The following SPINK5 variants were observed in gnomAD, a reference collection of about 807,000 sequenced individuals.
The protein encoded by SPINK5 is serine peptidase inhibitor Kazal type 5.
A neutral mutation model predicts 151.8 loss-of-function variants in SPINK5; 125 were observed. The observed-to-expected ratio is 0.82, with a 90% CI of 0.71 to 0.96. The LOEUF is 0.96. Ranked by LOEUF, SPINK5 falls within the 40% of genes least tolerant of loss-of-function variation. SPINK5 has a pLI of 0.00. For missense variants in SPINK5, 1,194 were observed against 1,291.9 expected (o/e 0.92, Z 1.16); for synonymous variants, 374 against 395.3 (o/e 0.95, Z 0.64).
At position 148,104,964 on chromosome 5, in the gene SPINK5, A is replaced by G. The variant is rs2113132965; in HGVS notation, c.1443A>G (p.Glu481=). The change falls in exon 16 of 33, where the codon GAA becomes GAG. Residue 481 remains glutamate (E), a synonymous_variant. Transcript: ENST00000256084. Reference sequence around the variant, plus strand: ...CGGTTTCTTAAAGTCAACAAGAAGAAAGAGCAAGAGCAAAGGCTAAAAGAG... The same window carrying G: ...CGGTTTCTTAAAGTCAACAAGAAGAGAGAGCAAGAGCAAAGGCTAAAAGAG... The part of the protein sequence containing the change: ...SMCEAFFQQE[E]RARAKAKREA... 2 of 1,613,770 alleles carry G rather than the reference A, an allele frequency of 1.2e-6. No individual in the cohort carries two copies. Among genetic ancestry groups the G allele is most frequent in the Non-Finnish European group, 1.7e-6 (2 of 1,179,840 alleles).
intron 17 of SPINK5, among the ~76,000 whole-genome samples, chr5:148,108,324 TA>T (rs1346671872): frequency 6.6e-6 from 1 of 152,172 alleles, no homozygotes; most frequent in Non-Finnish European, 1.5e-5. Flanking sequence ...ATTTTTAGTT[TA>T]AAGTAAAACA....
chr5:148,113,086 A>G, intron 20 of SPINK5, 152 bp downstream of exon 20: 1 of 1,298,152 alleles, frequency 7.7e-7, no homozygotes, highest in Non-Finnish European at 1.1e-6. Flanking sequence ...AACAGAACAG[A>G]TAGCAGATAT....
intron 16 of SPINK5, among the ~76,000 whole-genome samples, chr5:148,105,605 ATCTT>A (rs1374339881): frequency 2.6e-5 from 4 of 151,598 alleles, no homozygotes; most frequent in African/African-American, 7.3e-5. Flanking sequence ...TACAAGATTT[ATCTT>A]TCTTTCTTTT....
intron 5 of SPINK5, among the ~76,000 whole-genome samples, chr5:148,087,972 T>A (rs1753206205): frequency 1.3e-5 from 2 of 151,892 alleles, no homozygotes; most frequent in East Asian, 3.9e-4. Context: ...GTTTTACAGA[T>A]GTTATCATTG....
At chr5:148,102,462 A>C (rs2113124578) in intron 15 of SPINK5, among the ~76,000 whole-genome samples, 1 of 152,332 alleles carries the variant, frequency 6.6e-6, no homozygotes. Context: ...CACAATGTAT[A>C]CATATACCAA....
At chr5:148,129,156 A>G (rs145457135) in intron 30 of SPINK5, among the ~76,000 whole-genome samples, 1,630 of 152,286 alleles carry the variant, frequency 0.011, 38 homozygotes, top group African/African-American at 0.037. Context: ...GTGTTGTTGA[A>G]ATAGAGCTAC....
chr5:148,113,013 T>C (rs1753985404), intron 20 of SPINK5, 79 bp downstream of exon 20: 1 of 1,582,692 alleles, frequency 6.3e-7, no homozygotes, highest in African/African-American at 1.3e-5. Flanking sequence ...ATGGAATTAC[T>C]GAAACCCCAG....
chr5:148,124,735 A>G, intron 27 of SPINK5, 30 bp from the exon 28 acceptor site: 1 of 1,478,844 alleles, frequency 6.8e-7, no homozygotes, highest in Admixed American at 2.3e-5. Flanking sequence ...TTGAAAAATT[A>G]CCCTATCTTT....
intron 18 of SPINK5, among the ~76,000 whole-genome samples, chr5:148,109,929 T>C (rs772062935): frequency 6.6e-6 from 1 of 152,200 alleles, no homozygotes; most frequent in African/African-American, 2.4e-5. Context: ...CCTATTATTC[T>C]ACATTGTTCT....
intron 18 of SPINK5, among the ~76,000 whole-genome samples, chr5:148,109,439 G>A (rs1391070755): frequency 1.3e-5 from 2 of 151,274 alleles, no homozygotes; most frequent in African/African-American, 2.4e-5. Flanking sequence ...GCTGACATAA[G>A]AAGTTAAGAA....
intron 2 of SPINK5, among the ~76,000 whole-genome samples, chr5:148,069,069 C>A (rs1428359680): frequency 1.3e-5 from 2 of 151,978 alleles, no homozygotes; most frequent in African/African-American, 4.8e-5. Context: ...CCACTGCACT[C>A]CAGCCTGGGC....
chr5:148,105,675 G>C (rs1753762492), intron 16 of SPINK5, among the ~76,000 whole-genome samples: 2 of 151,866 alleles, frequency 1.3e-5, no homozygotes, highest in Admixed American at 1.3e-4. Flanking sequence ...GAGTGCAGTG[G>C]CGCAGATCTG....
Position 148,094,386 on chromosome 5 carries a change from A to G in SPINK5, c.699A>G (p.Arg233=). The G allele has an allele frequency of 6.2e-7, 1 of 1,612,692 alleles. No individual in the cohort carries two copies. The highest frequency in any genetic ancestry group is 8.5e-7 in the Non-Finnish European group (1 of 1,179,044). The change falls in exon 9 of 33, where the codon AGA becomes AGG. Residue 233 remains arginine (R), a synonymous_variant. Transcript: ENST00000256084. ...DFCKEYEKQV[R]NGRLFCTRES... ...GCAAGGAATATGAAAAACAAGTGAG[A>G]AATGGAAGGCTTTTTTGTACACGGG... is the stretch of plus-strand genomic sequence containing the variant.
intron 3 of SPINK5, among the ~76,000 whole-genome samples, chr5:148,071,545 A>G (rs921183497): frequency 5.9e-5 from 9 of 152,160 alleles, no homozygotes; most frequent in Non-Finnish European, 1.3e-4. Context: ...GAAAGTATGA[A>G]TATAATAAAT....
At position 148,097,788 on chromosome 5, in the gene SPINK5, T is replaced by TTTTAA. The variant is rs55959555; in HGVS notation, c.883-76_883-75insAATTT. On this transcript the variant is annotated intron_variant, in intron 10 of 32. Transcript: ENST00000256084. Reference sequence around the variant, plus strand: ...TTATTTTTCATCCTTAATTTCTCTTTTTTCTTTGTAAAATAACATTTAACA... The same window carrying TTTTAA: ...TTATTTTTCATCCTTAATTTCTCTTTTTTAATTTCTTTGTAAAATAACATTTAACA... 721,902 of 1,446,018 alleles carry TTTTAA rather than the reference T, an allele frequency of 0.5. 184,032 individuals carry two copies. The highest frequency in any genetic ancestry group is 0.64 in the Admixed American group (32,413 of 50,376). The allele number at this position is 1,446,018 out of a possible 1,614,324, so 89.6% of individuals were successfully genotyped here. A position where few individuals can be genotyped will look rare whatever the true frequency, so the allele number is the denominator to read the frequency against.
At chr5:148,101,951 T>C (rs1456964204) in intron 15 of SPINK5, 43 bp downstream of exon 15, 11 of 1,612,486 alleles carry the variant, frequency 6.8e-6, no homozygotes, top group Non-Finnish European at 9.3e-6. Flanking sequence ...GATTGAGCAG[T>C]GGGAATTTCC....
At chr5:148,095,960 G>T in intron 10 of SPINK5, 55 bp downstream of exon 10, 1 of 1,353,548 alleles carries the variant, frequency 7.4e-7, no homozygotes, top group Non-Finnish European at 1.1e-6. Flanking sequence ...GGGGGGGTGC[G>T]TGTGTGAGAG....
At chr5:148,081,081 G>A (rs950255899) in intron 4 of SPINK5, among the ~76,000 whole-genome samples, 65 of 151,508 alleles carry the variant, frequency 4.3e-4, no homozygotes, top group Non-Finnish European at 5.2e-4. Context: ...ATCACTACAC[G>A]TACCCACTAG....
In SPINK5 at chr5:148,120,136, TGTGA is replaced by T. The variant is rs1221030255; in HGVS notation, c.2441+3_2441+6del. 5.6e-6 allele frequency: 9 copies of T among 1,613,946 alleles called. No individual in the cohort carries two copies. Among genetic ancestry groups the T allele is most frequent in the Admixed American group, 1.7e-5 (1 of 59,986 alleles). On this transcript the variant is annotated splice_donor_variant and splice_donor_region_variant and intron_variant, in intron 25 of 32. Coordinates refer to ENST00000256084, the MANE Select transcript of SPINK5 (RefSeq NM_006846.4). LOFTEE classifies it high-confidence loss of function. ...AAGTGTACTATGTGTAAGGAAAAACTGTGAGTATGTTTCAAAATGAGCTTTTGAC... is the reference window on the plus strand; with the variant it reads ...AAGTGTACTATGTGTAAGGAAAAACTGTATGTTTCAAAATGAGCTTTTGAC...
Sources: allele counts gnomAD v4.1 joint callset (sites outside exome capture counted in the v4.1 genomes callset), GRCh38; gene constraint gnomAD v4.1.1; transcripts MANE v1.5; gene names NCBI Gene and HGNC (gene_info 2026-07-23, HGNC 2026-07-21).